Variants in PEAK1 observed in about 807,000 individuals in gnomAD.
The protein encoded by PEAK1 is inactive tyrosine-protein kinase PEAK1.
A neutral mutation model predicts 124.7 loss-of-function variants in PEAK1; 54 were observed. That is an observed-to-expected ratio of 0.43 (90% CI 0.35 to 0.54). The LOEUF is 0.54. Ranked by LOEUF, PEAK1 falls within the 20% of genes least tolerant of loss-of-function variation. The pLI, the probability that PEAK1 is intolerant of heterozygous loss-of-function variation, is 0.01. For missense variants in PEAK1, 2,046 were observed against 2,134.5 expected, an observed-to-expected ratio of 0.96 and a Z score of 0.82; for synonymous variants, 719 against 760.0, an observed-to-expected ratio of 0.95 and a Z score of 0.89.
At chr15:77,392,564 T>G (rs142908764) in intron 1 of PEAK1, among the ~76,000 whole-genome samples, 9 of 152,324 alleles carry the variant, frequency 5.9e-5, no homozygotes, top group African/African-American at 1.9e-4. Context: ...TACATTCATC[T>G]ATTCCTACAT....
intron 6 of PEAK1, among the ~76,000 whole-genome samples, chr15:77,250,144 GAT>G (rs776118493): frequency 1.7e-5 from 2 of 121,208 alleles, no homozygotes; most frequent in African/African-American, 4.3e-5. Context: ...TCACTGTTAA[GAT>G]ATATATATAC....
At chr15:77,219,072 TAGAC>T (rs1040076558) in intron 6 of PEAK1, among the ~76,000 whole-genome samples, 8 of 152,168 alleles carry the variant, frequency 5.3e-5, no homozygotes, top group African/African-American at 1.9e-4. Flanking sequence ...ATATATATTT[TAGAC>T]AGAAGGATAA....
At chr15:77,173,837 C>A (rs2056673083) in intron 7 of PEAK1, among the ~76,000 whole-genome samples, 1 of 152,148 alleles carries the variant, frequency 6.6e-6, no homozygotes. Flanking sequence ...TAAAGATCTG[C>A]TTTGGATTTT....
intron 7 of PEAK1, among the ~76,000 whole-genome samples, chr15:77,172,834 C>G (rs2056601928): frequency 6.6e-6 from 1 of 152,154 alleles, no homozygotes; most frequent in South Asian, 2.1e-4. Flanking sequence ...TTCACTGCAG[C>G]CTTGACCTCC....
At chr15:77,191,382 C>G (rs1296794468) in intron 6 of PEAK1, among the ~76,000 whole-genome samples, 2 of 152,134 alleles carry the variant, frequency 1.3e-5, no homozygotes, top group African/African-American at 4.8e-5. Context: ...GGTATGATCC[C>G]TCTAATCTCC....
chr15:77,179,192 T>A lies in PEAK1; in HGVS notation c.2735A>T (p.Glu912Val). The A allele has an allele frequency of 6.2e-7, 1 of 1,614,174 alleles. No individual in the cohort carries two copies. The highest frequency in any genetic ancestry group is 8.5e-7 in the Non-Finnish European group (1 of 1,180,026). ...STEAESVLHS[E>V]GSRRAADAKP... is the part of the protein sequence containing the mutation. ...TGCATCAGCTGCCCGCCTGCTGCCT[T>A]CAGAGTGCAAAACTGATTCAGCTTC... Residue 912 changes from glutamate (E) to valine (V), a missense_variant, in exon 7 of 10, where the codon GAA becomes GTA. By Grantham distance (121) the Glu-to-Val change is moderately radical. Coordinates refer to ENST00000682557, the MANE Select transcript of PEAK1 (RefSeq NM_001385026.1).
chr15:77,417,939 A>C, intron 1 of PEAK1: 1 of 974,804 alleles, frequency 1.0e-6, no homozygotes, highest in Non-Finnish European at 1.2e-6. Flanking sequence ...CTCAGACTTA[A>C]ATATTTACAT....
intron 1 of PEAK1, chr15:77,403,525 G>A: frequency 1.0e-6 from 1 of 969,484 alleles, no homozygotes; most frequent in Non-Finnish European, 1.2e-6. Context: ...AGTAATAATA[G>A]CTTCCACTGG....
chr15:77,130,457 C>T (rs1232615228), intron 9 of PEAK1, among the ~76,000 whole-genome samples: 1 of 152,182 alleles, frequency 6.6e-6, no homozygotes, highest in Non-Finnish European at 1.5e-5. Context: ...GGTTACTCTG[C>T]CAGTGACATC....
intron 1 of PEAK1, chr15:77,417,995 A>C (rs961445496): frequency 2.1e-6 from 2 of 970,540 alleles, no homozygotes; most frequent in Non-Finnish European, 2.4e-6. Context: ...TACACGTATA[A>C]TGCATTCCAG....
chr15:77,168,579 A>G (rs2056291613), intron 7 of PEAK1, among the ~76,000 whole-genome samples: 1 of 152,204 alleles, frequency 6.6e-6, no homozygotes, highest in African/African-American at 2.4e-5. Flanking sequence ...GATCTGGCCC[A>G]TCGGCCATAG....
chr15:77,119,208 G>A (rs568522730), intron 9 of PEAK1, among the ~76,000 whole-genome samples: 193 of 152,236 alleles, frequency 1.3e-3, no homozygotes, highest in African/African-American at 4.5e-3. Context: ...AGTGACCCTC[G>A]CCCACTTGCC....
chr15:77,404,587 A>G (rs1474937307), intron 1 of PEAK1: 4 of 869,382 alleles, frequency 4.6e-6, no homozygotes, highest in African/African-American at 1.8e-5. Context: ...TTGAAACTAC[A>G]TATGTGGTTT....
exon 7 of PEAK1, chr15:77,101,804 C>T (rs563284685): frequency 1.3e-5 from 2 of 152,288 alleles, no homozygotes; most frequent in Admixed American, 6.5e-5. Flanking sequence ...TACCCACCAC[C>T]ATGCTGACTA....
intron 6 of PEAK1, among the ~76,000 whole-genome samples, chr15:77,201,530 G>A (rs546961050): frequency 6.6e-5 from 10 of 151,974 alleles, no homozygotes; most frequent in South Asian, 4.2e-4. Context: ...GAGCCACTGC[G>A]CCTGGCCCAA....
intron 1 of PEAK1, among the ~76,000 whole-genome samples, chr15:77,396,297 A>G (rs1453405943): frequency 2.0e-5 from 3 of 152,252 alleles, no homozygotes; most frequent in Admixed American, 6.5e-5. Context: ...TAATTAAAAC[A>G]TAACACCAGA....
At chr15:77,376,641 A>T (rs2069052545) in intron 1 of PEAK1, among the ~76,000 whole-genome samples, 1 of 152,216 alleles carries the variant, frequency 6.6e-6, no homozygotes, top group South Asian at 2.1e-4. Context: ...ATTGAATATT[A>T]TTTATTATTT....
intron 1 of PEAK1, among the ~76,000 whole-genome samples, chr15:77,408,058 T>C (rs2072028350): frequency 6.7e-6 from 1 of 150,134 alleles, no homozygotes; most frequent in African/African-American, 2.4e-5. Flanking sequence ...CATACATGCA[T>C]AGATACACAT....
At chr15:77,374,604 A>T (rs529106261) in intron 1 of PEAK1, among the ~76,000 whole-genome samples, 1 of 152,248 alleles carries the variant, frequency 6.6e-6, no homozygotes, top group South Asian at 2.1e-4. Flanking sequence ...ATGGTGATAT[A>T]ACAATCTTTT....
Sources: allele counts gnomAD v4.1 joint callset (sites outside exome capture counted in the v4.1 genomes callset), GRCh38; gene constraint gnomAD v4.1.1; transcripts MANE v1.5; gene names NCBI Gene and HGNC (gene_info 2026-07-23, HGNC 2026-07-21).